MS4A1: variants seen among roughly 807,000 people sequenced by gnomAD.
MS4A1 encodes the protein B-lymphocyte antigen CD20.
Under a neutral mutation model 26.5 loss-of-function variants are expected in MS4A1, and 16 were observed. The observed-to-expected ratio is 0.60, with a 90% CI of 0.41 to 0.92. The LOEUF is 0.92. MS4A1 is among the 40% of genes least tolerant of loss of function. The probability of loss-of-function intolerance (pLI) is 0.00; values close to 1 mark genes in which losing one functional copy is unlikely to be tolerated. For synonymous variants in MS4A1, 128 were observed against 117.6 expected, an observed-to-expected ratio of 1.09 and a Z score of -0.57; for missense variants, 350 against 353.0, an observed-to-expected ratio of 0.99 and a Z score of 0.07.
At position 60,462,235 on chromosome 11, in the gene MS4A1, T is replaced by C; in HGVS notation, c.-140T>C. The C allele has an allele frequency of 2.2e-6, 2 of 914,932 alleles. No homozygotes were observed. The highest frequency in any genetic ancestry group is 1.4e-5 in the South Asian group (1 of 72,118). The allele number at this position is 914,932 out of a possible 1,614,324, so 56.7% of individuals were successfully genotyped here. A position where few individuals can be genotyped will look rare whatever the true frequency, so the allele number is the denominator to read the frequency against. On this transcript the variant is annotated 5_prime_UTR_variant, in exon 3 of 8. It removes an upstream start codon present in the reference 5' UTR. Transcript: ENST00000345732. ...ATCCAAGGTCACTCGGAAGAGGCCA[T>C]GTCTACCCTCAATGACACTCATGGA...
intron 6 of MS4A1, 137 bp downstream of exon 6, chr11:60,466,294 T>C (rs1590847132): frequency 2.5e-6 from 2 of 784,948 alleles, no homozygotes; most frequent in Non-Finnish European, 4.6e-6. Context: ...GAAAGAATTT[T>C]AACCACACTG....
intron 1 of MS4A1, among the ~76,000 whole-genome samples, chr11:60,458,724 T>C (rs1296944256): frequency 6.6e-6 from 1 of 152,176 alleles, no homozygotes; most frequent in Non-Finnish European, 1.5e-5. Context: ...TATTTATGAA[T>C]TCTCATGGAA....
rs200832581 is a variant in MS4A1, at chr11:60,463,092, G to A, written c.250G>A (p.Val84Met). 10 of 1,614,090 alleles carry A rather than the reference G, an allele frequency of 6.2e-6. No homozygotes were observed. The highest frequency in any genetic ancestry group is 2.7e-5 in the African/African-American group (2 of 74,934). The stretch of plus-strand genomic sequence containing the variant: ...GATCTATGCACCCATCTGTGTGACT[G>A]TGTGGTACCCTCTCTGGGGAGGCAT... Reference protein sequence around the residue: ...AGIYAPICVTVWYPLWGGIMY... With the variant: ...AGIYAPICVTMWYPLWGGIMY... The change falls in exon 4 of 8, where the codon GTG becomes ATG. Residue 84 changes from valine (V) to methionine (M), a missense_variant. Physicochemically the swap from Val to Met is conservative, Grantham distance 21. Coordinates refer to ENST00000345732, the MANE Select transcript of MS4A1 (RefSeq NM_152866.3).
At chr11:60,466,863 A>G (rs1050331546) in intron 6 of MS4A1, 96 bp from the exon 7 acceptor site, 1 of 1,184,042 alleles carries the variant, frequency 8.4e-7, no homozygotes, top group East Asian at 2.4e-5. Flanking sequence ...TGATCTCTTA[A>G]TCGTTCAATT....
chr11:60,457,317 C>G (rs2086212380), intron 1 of MS4A1, among the ~76,000 whole-genome samples: 1 of 152,000 alleles, frequency 6.6e-6, no homozygotes, highest in Admixed American at 6.6e-5. Context: ...GGGCTGAATT[C>G]CAAAGGCCTT....
chr11:60,456,125 C>T (rs1192106169), intron 1 of MS4A1, among the ~76,000 whole-genome samples, 180 bp downstream of exon 1: 1 of 152,168 alleles, frequency 6.6e-6, no homozygotes, highest in Non-Finnish European at 1.5e-5. Flanking sequence ...ACTCACTCCT[C>T]TAATCAGTCT....
chr11:60,462,604 A>G, intron 3 of MS4A1, 71 bp downstream of exon 3: 1 of 1,582,912 alleles, frequency 6.3e-7, no homozygotes. Context: ...GGTATAGGCC[A>G]CATACAGAAT....
chr11:60,460,372 T>G (rs1322170959), intron 1 of MS4A1, among the ~76,000 whole-genome samples: 1 of 152,250 alleles, frequency 6.6e-6, no homozygotes, highest in Non-Finnish European at 1.5e-5. Context: ...GCCTGTTCTA[T>G]AAGGCTCAGA....
intron 1 of MS4A1, 59 bp from the exon 2 acceptor site, chr11:60,461,013 T>C (rs1375289279): frequency 6.6e-6 from 1 of 151,884 alleles, no homozygotes; most frequent in Non-Finnish European, 1.5e-5. Flanking sequence ...GTTCTTTGCA[T>C]ACATTTATTT....
Position 60,464,557 on chromosome 11 carries a change from C to A in MS4A1, c.336+213C>A, listed in dbSNP as rs796121916. Among the ~76,000 whole-genome samples the A allele has an allele frequency of 3.9e-5, 6 of 152,128 alleles. No homozygotes were observed. In the East Asian group the frequency reaches 7.7e-4, roughly 20 times the overall value. ...ATGGGAACAGAACTAAAAGCAGATC[C>A]ATGAAAACCATACCTACAGTCTTAA... On this transcript the variant is annotated intron_variant, in intron 5 of 7. Transcript: ENST00000345732.
chr11:60,468,357 C>T lies in MS4A1; in HGVS notation c.783C>T (p.Asp261=), dbSNP rs1169752587. The T allele has an allele frequency of 1.2e-6, 2 of 1,613,872 alleles. No individual in the cohort carries two copies. The highest frequency in any genetic ancestry group is 1.7e-6 in the Non-Finnish European group (2 of 1,179,902). ...ETSSQPKNEE[D]IEIIPIQEEE... is the part of the protein sequence containing the mutation. The stretch of plus-strand genomic sequence containing the variant: ...CTTCCCAACCAAAGAATGAAGAAGA[C>T]ATTGAAATTATTCCAATCCAAGAAG... The change falls in exon 8 of 8, where the codon GAC becomes GAT. Residue 261 remains aspartate (D), a synonymous_variant. Transcript: ENST00000345732.
At chr11:60,456,851 G>A (rs1374028382) in intron 1 of MS4A1, among the ~76,000 whole-genome samples, 4 of 152,054 alleles carry the variant, frequency 2.6e-5, no homozygotes, top group Admixed American at 1.3e-4. Flanking sequence ...GGCTGGTCTC[G>A]AGCTCCCGAC....
At chr11:60,462,118 A>G in intron 2 of MS4A1, 67 bp from the exon 3 acceptor site, 2 of 585,878 alleles carry the variant, frequency 3.4e-6, no homozygotes, top group Non-Finnish European at 6.3e-6. Flanking sequence ...CCAGTTGTCA[A>G]GATCACTGGC....
At chr11:60,464,420 A>G in intron 5 of MS4A1, 76 bp downstream of exon 5, 1 of 1,341,346 alleles carries the variant, frequency 7.5e-7, no homozygotes, top group East Asian at 2.3e-5. Flanking sequence ...TGAGACCCTT[A>G]AAAAGCCAAG....
At chr11:60,457,765 G>T (rs1454565242) in intron 1 of MS4A1, among the ~76,000 whole-genome samples, 3 of 152,160 alleles carry the variant, frequency 2.0e-5, no homozygotes, top group Non-Finnish European at 4.4e-5. Flanking sequence ...TCCACTGACT[G>T]GCGGAAACTA....
At chr11:60,462,867 A>T in intron 3 of MS4A1, 135 bp from the exon 4 acceptor site, 1 of 1,361,518 alleles carries the variant, frequency 7.3e-7, no homozygotes, top group Non-Finnish European at 1.0e-6. Flanking sequence ...AAAAGACAAA[A>T]TTCTTGGCAC....
chr11:60,460,255 C>G (rs980578102), intron 1 of MS4A1, among the ~76,000 whole-genome samples: 109 of 152,098 alleles, frequency 7.2e-4, no homozygotes, highest in African/African-American at 2.6e-3. Context: ...TGAAAACAAA[C>G]AAACAAACAA....
At chr11:60,466,842 G>T in intron 6 of MS4A1, 117 bp from the exon 7 acceptor site, 1 of 981,276 alleles carries the variant, frequency 1.0e-6, no homozygotes, top group Admixed American at 1.9e-5. Context: ...TTCATTACTT[G>T]TCTAAAGAAT....
intron 5 of MS4A1, 133 bp from the exon 6 acceptor site, chr11:60,465,788 A>C: frequency 1.4e-6 from 1 of 712,554 alleles, no homozygotes; most frequent in African/African-American, 1.8e-5. Flanking sequence ...GGCTAAAAAC[A>C]ACTGAGAGAA....
Sources: allele counts gnomAD v4.1 joint callset (sites outside exome capture counted in the v4.1 genomes callset), GRCh38; gene constraint gnomAD v4.1.1; transcripts MANE v1.5; gene names NCBI Gene and HGNC (gene_info 2026-07-23, HGNC 2026-07-21).